The following ZNF469 variants were observed in gnomAD, a reference collection of about 807,000 sequenced individuals.
ZNF469 encodes zinc finger protein 469.
Under a neutral mutation model 1.0 loss-of-function variants are expected in ZNF469, and 1 was observed. The observed-to-expected ratio is 1.00, with a 90% CI of 0.35 to 4.73. ZNF469 has a LOEUF of 4.73. ZNF469 is among the 30% of genes most tolerant of loss of function. The pLI is 0.16. For synonymous variants in ZNF469, 2,703 were observed against 2,363.4 expected (o/e 1.14, Z -4.17); for missense variants, 6,100 against 5,356.3 (o/e 1.14, Z -4.33).
At chr16:88,246,810 G>GGAGTGAATGGTGAATGAGT in the ZNF469 span, among the ~76,000 whole-genome samples, 3 of 151,774 alleles carry the variant, frequency 2.0e-5, no homozygotes, top group Non-Finnish European at 2.9e-5. Flanking sequence ...AGTGAATGAG[G>GGAGTGAATGGTGAATGAGT]GAGTGAATGG....
chr16:88,264,083 C>G, the ZNF469 span, among the ~76,000 whole-genome samples: 1 of 152,178 alleles, frequency 6.6e-6, no homozygotes, highest in South Asian at 2.1e-4. Flanking sequence ...TACTCCCCAC[C>G]CCCCAGGACC....
chr16:88,399,105 G>T (rs1904783330), intron 1 of ZNF469, among the ~76,000 whole-genome samples: 1 of 152,232 alleles, frequency 6.6e-6, no homozygotes, highest in Admixed American at 6.5e-5. Flanking sequence ...TGGCGCTTCG[G>T]CAGGTCTCAC....
At chr16:88,237,931 C>T in the ZNF469 span, among the ~76,000 whole-genome samples, 1 of 152,204 alleles carries the variant, frequency 6.6e-6, no homozygotes, top group Non-Finnish European at 1.5e-5. Context: ...AGTATCCAGC[C>T]TTCTCCAATG....
the ZNF469 span, among the ~76,000 whole-genome samples, chr16:88,209,819 T>C: frequency 2.6e-5 from 4 of 152,216 alleles, no homozygotes; most frequent in Admixed American, 6.5e-5. Flanking sequence ...TCTGTGGGCA[T>C]TCCAGTTGTT....
intron 1 of ZNF469, among the ~76,000 whole-genome samples, chr16:88,399,060 C>T (rs1468018591): frequency 4.6e-5 from 7 of 152,252 alleles, no homozygotes; most frequent in African/African-American, 9.6e-5. Context: ...GAGGTTCACA[C>T]GGCAATGGTC....
At chr16:88,357,442 G>A in the ZNF469 span, among the ~76,000 whole-genome samples, 2 of 152,098 alleles carry the variant, frequency 1.3e-5, no homozygotes, top group African/African-American at 2.4e-5. Flanking sequence ...GGAAGTGTAG[G>A]TTCGAGTCTC....
At chr16:88,212,184 A>G in the ZNF469 span, among the ~76,000 whole-genome samples, 1 of 152,002 alleles carries the variant, frequency 6.6e-6, no homozygotes, top group Non-Finnish European at 1.5e-5. Flanking sequence ...CTTTATATGT[A>G]ATGTCTAATA....
chr16:88,260,124 C>T, the ZNF469 span, among the ~76,000 whole-genome samples: 12 of 150,744 alleles, frequency 8.0e-5, no homozygotes, highest in African/African-American at 2.9e-4. This position sits in a 1 kb window ranked among gnomAD's most constrained non-coding sequence, Gnocchi z 4.1. Flanking sequence ...ATTACAGGCG[C>T]ACACCACCAC....
chr16:88,113,032 C>G, the ZNF469 span, among the ~76,000 whole-genome samples: 1 of 152,078 alleles, frequency 6.6e-6, no homozygotes, highest in Non-Finnish European at 1.5e-5. Context: ...CCCGCCTTGG[C>G]CTCCCAAAGT....
At chr16:88,173,857 ATAG>A in the ZNF469 span, among the ~76,000 whole-genome samples, 1 of 152,166 alleles carries the variant, frequency 6.6e-6, no homozygotes, top group Non-Finnish European at 1.5e-5. Flanking sequence ...TAATAATTCA[ATAG>A]TAGGATAAAA....
chr16:88,165,362 C>T, the ZNF469 span, among the ~76,000 whole-genome samples: 5 of 152,222 alleles, frequency 3.3e-5, no homozygotes, highest in African/African-American at 4.8e-5. Context: ...CTGGTGTCCC[C>T]GATGGCTGTG....
chr16:88,118,531 G>C, the ZNF469 span, among the ~76,000 whole-genome samples: 1 of 152,322 alleles, frequency 6.6e-6, no homozygotes, highest in East Asian at 1.9e-4. Context: ...CAGCTCACCT[G>C]TCACCTCCGC....
At chr16:88,373,529 C>T in the ZNF469 span, among the ~76,000 whole-genome samples, 1 of 152,358 alleles carries the variant, frequency 6.6e-6, no homozygotes, top group Middle Eastern at 3.4e-3. Context: ...ATCTCTCCCT[C>T]TCTGGGCCTC....
At position 88,438,433 on chromosome 16, in the gene ZNF469, A is replaced by G. The variant is rs1404792278; in HGVS notation, c.10963A>G (p.Met3655Val). The G allele has an allele frequency of 3.2e-6, 5 of 1,550,106 alleles. No individual in the cohort carries two copies. The highest frequency in any genetic ancestry group is 2.4e-5 in the East Asian group (1 of 40,912). ...QKEKEVSSSHMVSEGGPRGAF... is the reference protein window; with the variant it reads ...QKEKEVSSSHVVSEGGPRGAF... ...AGAGAAGGAGGTGTCCTCAAGCCAC[A>G]TGGTGTCTGAGGGGGGGCCCCGAGG... The change falls in exon 3 of 3, where the codon ATG (methionine) becomes GTG (valine). Residue 3655 changes from methionine (M) to valine (V), a missense_variant. Transcript: ENST00000565624.
intron 1 of ZNF469, among the ~76,000 whole-genome samples, chr16:88,404,537 A>T (rs1904973671): frequency 6.6e-6 from 1 of 152,140 alleles, no homozygotes; most frequent in Non-Finnish European, 1.5e-5. Flanking sequence ...GCTGAGCCAC[A>T]GTGGGGATGT....
upstream of ZNF469, among the ~76,000 whole-genome samples, chr16:88,379,162 G>A (rs1196575216): frequency 1.3e-5 from 2 of 152,128 alleles, no homozygotes; most frequent in African/African-American, 2.4e-5. Context: ...CCTCCTGACC[G>A]TCTACTGGGA....
chr16:88,198,658 C>G, the ZNF469 span, among the ~76,000 whole-genome samples: 2 of 152,184 alleles, frequency 1.3e-5, no homozygotes, highest in Admixed American at 1.3e-4. Context: ...TTGAGGCTGA[C>G]GGGTTTCTTG....
chr16:88,108,440 G>A, the ZNF469 span, among the ~76,000 whole-genome samples: 1 of 152,308 alleles, frequency 6.6e-6, no homozygotes, highest in African/African-American at 2.4e-5. Flanking sequence ...CAGAAGACAG[G>A]GCTCTGGGGT....
the ZNF469 span, among the ~76,000 whole-genome samples, chr16:88,376,202 G>T: frequency 2.0e-5 from 3 of 152,258 alleles, no homozygotes; most frequent in African/African-American, 7.2e-5. Context: ...ACACATCAAT[G>T]CGCCTTTTAC....
Sources: allele counts gnomAD v4.1 joint callset (sites outside exome capture counted in the v4.1 genomes callset), GRCh38; gene constraint gnomAD v4.1.1; non-coding constraint Gnocchi (gnomAD v3.1); transcripts MANE v1.5; gene names NCBI Gene and HGNC (gene_info 2026-07-23, HGNC 2026-07-21).